The following MS4A4A variants were observed in gnomAD, a reference collection of about 807,000 sequenced individuals.
The protein encoded by MS4A4A is membrane-spanning 4-domains subfamily A member 4A.
MS4A4A carries 26 observed loss-of-function variants against 28.0 expected under a neutral mutation model. The ratio of observed to expected loss-of-function variants is 0.93; its 90% CI spans 0.68 to 1.29. The LOEUF is 1.29. Among genes scored for constraint, MS4A4A ranks in the 50% most tolerant of loss-of-function variants. The probability of loss-of-function intolerance (pLI) is 0.00; values close to 1 mark genes in which losing one functional copy is unlikely to be tolerated. For missense variants in MS4A4A, 290 were observed against 293.1 expected (o/e 0.99, Z 0.08); for synonymous variants, 86 against 100.8 (o/e 0.85, Z 0.88).
intron 1 of MS4A4A, among the ~76,000 whole-genome samples, chr11:60,283,164 C>G (rs2084771201): frequency 6.6e-6 from 1 of 152,172 alleles, no homozygotes; most frequent in East Asian, 1.9e-4. Flanking sequence ...GCCATTGTGG[C>G]TTACTGCAGC....
At chr11:60,289,881 T>A (rs1409863468) in intron 1 of MS4A4A, among the ~76,000 whole-genome samples, 2 of 152,210 alleles carry the variant, frequency 1.3e-5, no homozygotes, top group Admixed American at 1.3e-4. Context: ...CACTATTTTG[T>A]ATTTGAAATT....
rs767411919 is a variant in MS4A4A, at chr11:60,308,399, G to T, written c.*221G>T. 1 of 467,030 alleles carries T rather than the reference G, an allele frequency of 2.1e-6. No homozygotes were observed. The highest frequency in any genetic ancestry group is 2.0e-5 in the African/African-American group (1 of 49,796). The allele number at this position is 467,030 out of a possible 1,614,324, so 28.9% of individuals were successfully genotyped here. A position where few individuals can be genotyped will look rare whatever the true frequency, so the allele number is the denominator to read the frequency against. On this transcript the variant is annotated 3_prime_UTR_variant, in exon 7 of 7. Transcript: ENST00000337908. ...CTGGAACTCAATAACTCATTTCACT[G>T]GCTCTTTATCGAGAGTACTAGAAGT...
chr11:60,300,981 AT>A lies in MS4A4A; in HGVS notation c.331-14del. The A allele has an allele frequency of 6.3e-7, 1 of 1,580,444 alleles. No individual in the cohort carries two copies. Reference sequence around the variant, plus strand: ...TACTGGCTTAAAGTTTTTTACCTTCATTTTTTCTCTCATTTTTAGTTTATTA... The same window carrying A: ...TACTGGCTTAAAGTTTTTTACCTTCATTTTTCTCTCATTTTTAGTTTATTA... On this transcript the variant is annotated intron_variant, in intron 3 of 6. Coordinates refer to ENST00000337908, the MANE Select transcript of MS4A4A (RefSeq NM_148975.3).
In MS4A4A at chr11:60,308,275, C is replaced by A. The variant is rs904126162; in HGVS notation, c.*97C>A. ...AAATTACCAGTATCCAACTTCGATA[C>A]TGATAGACTTGTTGATATTATTATT... On this transcript the variant is annotated 3_prime_UTR_variant, in exon 7 of 7. Transcript: ENST00000337908. 1.9e-6 allele frequency: 2 copies of A among 1,029,208 alleles called. No individual in the cohort carries two copies. The highest frequency in any genetic ancestry group is 3.0e-6 in the Non-Finnish European group (2 of 665,342). The allele number at this position is 1,029,208 out of a possible 1,614,324, so 63.8% of individuals were successfully genotyped here. A position where few individuals can be genotyped will look rare whatever the true frequency, so the allele number is the denominator to read the frequency against.
chr11:60,304,797 A>G (rs1241119868), intron 5 of MS4A4A, among the ~76,000 whole-genome samples: 2 of 152,260 alleles, frequency 1.3e-5, no homozygotes, highest in African/African-American at 4.8e-5. Flanking sequence ...TGGCCTTTAC[A>G]GAAAGCTTGC....
intron 2 of MS4A4A, among the ~76,000 whole-genome samples, chr11:60,295,360 T>A (rs11230234): frequency 0.19 from 28,140 of 152,012 alleles, 3,086 homozygotes; most frequent in African/African-American, 0.3. Flanking sequence ...GTAAACCTAA[T>A]ATAATTGTTT....
chr11:60,307,877 G>A (rs544092748), intron 6 of MS4A4A, among the ~76,000 whole-genome samples: 3 of 152,106 alleles, frequency 2.0e-5, no homozygotes, highest in Admixed American at 1.3e-4. Context: ...ATCCACTTGC[G>A]AGACCAGAGC....
chr11:60,286,447 G>C (rs909605748), intron 1 of MS4A4A, among the ~76,000 whole-genome samples: 2 of 152,202 alleles, frequency 1.3e-5, no homozygotes, highest in Non-Finnish European at 1.5e-5. Context: ...GTAAAGACAG[G>C]CATAAGATAT....
At chr11:60,307,523 C>G (rs2085014514) in intron 6 of MS4A4A, among the ~76,000 whole-genome samples, 1 of 152,166 alleles carries the variant, frequency 6.6e-6, no homozygotes, top group African/African-American at 2.4e-5. Flanking sequence ...TTCCCTTCAG[C>G]TCTTAGCATA....
At chr11:60,288,323 TA>T (rs1231687138) in intron 1 of MS4A4A, among the ~76,000 whole-genome samples, 1 of 152,186 alleles carries the variant, frequency 6.6e-6, no homozygotes, top group Admixed American at 6.5e-5. Context: ...GCACAAGTAT[TA>T]TAGTGGCTGT....
intron 1 of MS4A4A, among the ~76,000 whole-genome samples, chr11:60,284,234 A>C (rs1435713739): frequency 3.3e-5 from 5 of 152,242 alleles, no homozygotes; most frequent in Non-Finnish European, 7.3e-5. Flanking sequence ...AGGGGAATTT[A>C]ATGATGAAAT....
chr11:60,305,820 C>A, intron 5 of MS4A4A: 1 of 365,364 alleles, frequency 2.7e-6, no homozygotes, highest in Non-Finnish European at 5.0e-6. Context: ...TATCTTTATA[C>A]TACCTTCCTA....
rs374969531 is a variant in MS4A4A, at chr11:60,297,179, T to C, written c.202-18T>C. 3.1e-6 allele frequency: 5 copies of C among 1,612,058 alleles called. No homozygotes were observed. The African/African-American group carries it at 6.7e-5, about 22-fold the overall frequency. ...TTTGTGGTGGACAATCAGTTTTTGC[T>C]TTCTTCACCATTTTTAGGTTGTGCA... On this transcript the variant is annotated intron_variant, in intron 2 of 6. Coordinates refer to ENST00000337908, the MANE Select transcript of MS4A4A (RefSeq NM_148975.3).
intron 4 of MS4A4A, 90 bp downstream of exon 4, chr11:60,301,147 T>C (rs960908651): frequency 1.8e-5 from 20 of 1,088,680 alleles, no homozygotes; most frequent in Non-Finnish European, 2.3e-5. Flanking sequence ...TTTTGTTTCT[T>C]TGTTTGTAAA....
At chr11:60,305,288 G>A (rs182901779) in intron 5 of MS4A4A, among the ~76,000 whole-genome samples, 1 of 152,206 alleles carries the variant, frequency 6.6e-6, no homozygotes, top group Non-Finnish European at 1.5e-5. Flanking sequence ...TACAAATTTA[G>A]TGTCTTAAGA....
intron 1 of MS4A4A, 79 bp from the exon 2 acceptor site, chr11:60,292,146 G>T: frequency 6.9e-7 from 1 of 1,451,090 alleles, no homozygotes; most frequent in South Asian, 1.5e-5. Context: ...TCTGTCCTTA[G>T]GGAGGAACCT....
chr11:60,298,500 CA>C (rs1486189987), intron 3 of MS4A4A, among the ~76,000 whole-genome samples: 6 of 152,174 alleles, frequency 3.9e-5, no homozygotes, highest in African/African-American at 1.4e-4. Context: ...TTTATATGTG[CA>C]ATTTCATTTC....
chr11:60,282,069 G>GA (rs1292857718), intron 1 of MS4A4A, among the ~76,000 whole-genome samples: 12 of 152,210 alleles, frequency 7.9e-5, no homozygotes. Context: ...TTTATGGCCA[G>GA]AGTTTCTTAG....
At chr11:60,293,115 T>C (rs1273594116) in intron 2 of MS4A4A, among the ~76,000 whole-genome samples, 1 of 152,220 alleles carries the variant, frequency 6.6e-6, no homozygotes, top group Non-Finnish European at 1.5e-5. Flanking sequence ...TGGAGTGCAG[T>C]GGCACAATCT....
Sources: gnomAD v4.1 joint callset for allele counts (sites outside exome capture counted in the v4.1 genomes callset) on GRCh38, gnomAD v4.1.1 for gene constraint, MANE v1.5 for transcripts, NCBI Gene and HGNC (gene_info 2026-07-23, HGNC 2026-07-21) for gene names.